The following ATP8A2 variants were observed in gnomAD, a reference collection of about 807,000 sequenced individuals.
ATP8A2 encodes phospholipid-transporting ATPase IB.
In ATP8A2, 100 loss-of-function variants were observed where a neutral mutation model predicts 165.6. The observed-to-expected ratio is 0.60, with a 90% CI of 0.51 to 0.71. The LOEUF (loss-of-function observed/expected upper bound fraction) is 0.71, where lower values mean the gene tolerates loss of function less well. ATP8A2 is among the 30% of genes least tolerant of loss of function. ATP8A2 has a pLI of 0.00. For missense variants in ATP8A2, 1,227 were observed against 1,479.5 expected (o/e 0.83, Z 2.80); for synonymous variants, 543 against 548.8 (o/e 0.99, Z 0.15).
At chr13:25,465,964 T>C (rs2035657708) in intron 1 of ATP8A2, among the ~76,000 whole-genome samples, 1 of 151,744 alleles carries the variant, frequency 6.6e-6, no homozygotes, top group Admixed American at 6.6e-5. Context: ...TCCATCCTTT[T>C]ATCCCAACCT....
intron 35 of ATP8A2, among the ~76,000 whole-genome samples, chr13:26,005,878 A>G (rs990571366): frequency 6.6e-6 from 1 of 152,024 alleles, no homozygotes; most frequent in African/African-American, 2.4e-5. Context: ...TTGTAAGTCT[A>G]TGTCAGTACC....
At chr13:25,696,490 A>G (rs1437329761) in intron 24 of ATP8A2, among the ~76,000 whole-genome samples, 1 of 152,236 alleles carries the variant, frequency 6.6e-6, no homozygotes, top group Non-Finnish European at 1.5e-5. Context: ...AGCCACCTTC[A>G]TCAATTATCT....
At chr13:25,964,895 C>A (rs1215190451) in intron 34 of ATP8A2, among the ~76,000 whole-genome samples, 1 of 152,216 alleles carries the variant, frequency 6.6e-6, no homozygotes. Flanking sequence ...CACAGTGGCT[C>A]ACACCTGTAA....
At chr13:25,736,566 G>C (rs1215676180) in intron 25 of ATP8A2, among the ~76,000 whole-genome samples, 1 of 152,228 alleles carries the variant, frequency 6.6e-6, no homozygotes, top group Non-Finnish European at 1.5e-5. Context: ...TGAAGGGTCA[G>C]TGTAACTTTT....
chr13:25,870,441 A>G (rs1006749366), intron 33 of ATP8A2, among the ~76,000 whole-genome samples: 1 of 152,156 alleles, frequency 6.6e-6, no homozygotes, highest in African/African-American at 2.4e-5. Flanking sequence ...CCCATTCTGT[A>G]TCATTTAAAG....
At position 25,744,524 on chromosome 13, in the gene ATP8A2, G is replaced by A. The variant is rs375397233; in HGVS notation, c.2385-24522G>A. Among the ~76,000 whole-genome samples the A allele has an allele frequency of 3.3e-5, 5 of 152,202 alleles. No individual in the cohort carries two copies. The East Asian group carries it at 9.6e-4, about 29-fold the overall frequency. ...GGAGAACTTAATTTTTATACAGATT[G>A]TTCTGTATTTTCACAATGAGATCAT... On this transcript the variant is annotated intron_variant, in intron 25 of 36. Coordinates refer to ENST00000381655, the MANE Select transcript of ATP8A2 (RefSeq NM_016529.6).
chr13:25,957,160 A>G (rs984819968), intron 33 of ATP8A2, among the ~76,000 whole-genome samples: 1 of 152,258 alleles, frequency 6.6e-6, no homozygotes, highest in African/African-American at 2.4e-5. Flanking sequence ...ACCTAAAATC[A>G]TAAAAACCCT....
chr13:25,757,834 A>G (rs217898), intron 25 of ATP8A2, among the ~76,000 whole-genome samples: 151,511 of 152,188 alleles, frequency 1, 75,422 homozygotes, highest in East Asian at 1. Flanking sequence ...TCCCAATCCA[A>G]GCGGTTGTGT....
intron 1 of ATP8A2, among the ~76,000 whole-genome samples, chr13:25,443,693 C>T (rs956226104): frequency 2.6e-5 from 4 of 152,182 alleles, no homozygotes; most frequent in Non-Finnish European, 4.4e-5. Context: ...TTACTTTTCT[C>T]TTTATAAAAT....
At chr13:25,940,834 C>G (rs962611454) in intron 33 of ATP8A2, among the ~76,000 whole-genome samples, 2 of 152,230 alleles carry the variant, frequency 1.3e-5, no homozygotes, top group African/African-American at 4.8e-5. Flanking sequence ...CTGCCACGAT[C>G]CTGGCCAAGC....
chr13:25,391,635 C>T (rs1160905538), intron 1 of ATP8A2, among the ~76,000 whole-genome samples: 1 of 152,224 alleles, frequency 6.6e-6, no homozygotes, highest in Non-Finnish European at 1.5e-5. Flanking sequence ...ACTTCAGTGC[C>T]TTGAATATCA....
chr13:26,013,847 T>C (rs1348826300), intron 36 of ATP8A2, among the ~76,000 whole-genome samples: 3 of 152,134 alleles, frequency 2.0e-5, no homozygotes, highest in Non-Finnish European at 2.9e-5. Flanking sequence ...TCATTGCTTT[T>C]CAGTAATCTA....
intron 25 of ATP8A2, among the ~76,000 whole-genome samples, chr13:25,756,212 C>T (rs1459701448): frequency 6.6e-6 from 1 of 152,116 alleles, no homozygotes; most frequent in African/African-American, 2.4e-5. Flanking sequence ...ACCTTTCATC[C>T]ATCTTTATCA....
At chr13:25,723,128 A>T (rs1425660767) in intron 25 of ATP8A2, among the ~76,000 whole-genome samples, 1 of 152,232 alleles carries the variant, frequency 6.6e-6, no homozygotes, top group African/African-American at 2.4e-5. Flanking sequence ...GTTACATATG[A>T]TGTGGCTACA....
At chr13:25,447,282 A>C (rs549233911) in intron 1 of ATP8A2, among the ~76,000 whole-genome samples, 1 of 152,312 alleles carries the variant, frequency 6.6e-6, no homozygotes, top group East Asian at 1.9e-4. Context: ...TAATCGGTAC[A>C]TAATTGTACA....
At chr13:25,794,856 CA>C (rs1950465976) in intron 27 of ATP8A2, among the ~76,000 whole-genome samples, 2 of 148,924 alleles carry the variant, frequency 1.3e-5, no homozygotes, top group African/African-American at 2.4e-5. Flanking sequence ...CACACACACA[CA>C]CACCTTCTCT....
chr13:25,686,103 G>T (rs1174187275), intron 24 of ATP8A2, among the ~76,000 whole-genome samples: 1 of 152,224 alleles, frequency 6.6e-6, no homozygotes, highest in Non-Finnish European at 1.5e-5. Context: ...AGTGATCACT[G>T]CTGTGTTTCT....
chr13:25,875,042 A>T (rs1208331164), intron 33 of ATP8A2, among the ~76,000 whole-genome samples: 2 of 151,948 alleles, frequency 1.3e-5, no homozygotes, highest in Non-Finnish European at 2.9e-5. Flanking sequence ...TTCTGCTTGT[A>T]TATAGTGAGT....
intron 36 of ATP8A2, among the ~76,000 whole-genome samples, chr13:26,017,443 T>G (rs1488304416): frequency 1.3e-5 from 2 of 152,242 alleles, no homozygotes; most frequent in African/African-American, 2.4e-5. Flanking sequence ...AGACGTCTCC[T>G]CTTGGACTGC....
Sources: gnomAD v4.1 joint callset for allele counts (sites outside exome capture counted in the v4.1 genomes callset) on GRCh38, gnomAD v4.1.1 for gene constraint, MANE v1.5 for transcripts, NCBI Gene and HGNC (gene_info 2026-07-23, HGNC 2026-07-21) for gene names.